Variants in RBFOX1 observed in about 807,000 individuals in gnomAD.
RBFOX1 encodes the protein RNA binding fox-1 homolog 1.
A neutral mutation model predicts 57.7 loss-of-function variants in RBFOX1; 8 were observed. The ratio of observed to expected loss-of-function variants is 0.14; its 90% CI spans 0.08 to 0.25. The LOEUF (loss-of-function observed/expected upper bound fraction) is 0.25, where lower values mean the gene tolerates loss of function less well. RBFOX1 is among the 10% of genes least tolerant of loss of function. The pLI, the probability that RBFOX1 is intolerant of heterozygous loss-of-function variation, is 1.00. For synonymous variants in RBFOX1, 326 were observed against 222.4 expected (o/e 1.47, Z -4.15); for missense variants, 611 against 548.5 (o/e 1.11, Z -1.14).
intron 4 of RBFOX1, among the ~76,000 whole-genome samples, chr16:7,203,001 T>C (rs2089000093): frequency 6.6e-6 from 1 of 152,164 alleles, no homozygotes; most frequent in South Asian, 2.1e-4. Flanking sequence ...TGAGCCAGGA[T>C]GGTCTGGATC....
In RBFOX1 at chr16:7,404,156, G is replaced by A. The variant is rs536356052; in HGVS notation, c.28-113991G>A. ...CTACCTCCACCTCCCAGGTTCAAGC[G>A]ATTCTCCTGCCTCAGCCTCCTGAGT... On this transcript the variant is annotated intron_variant, in intron 4 of 15. Coordinates refer to ENST00000550418, the MANE Select transcript of RBFOX1 (RefSeq NM_018723.4). 3.9e-4 allele frequency among the ~76,000 whole-genome samples: 59 copies of A among 151,666 alleles called. 1 individual carries two copies. Among genetic ancestry groups the A allele is most frequent in the African/African-American group, 1.4e-3 (57 of 41,340 alleles).
At chr16:6,564,562 G>A (rs917073744) in intron 2 of RBFOX1, among the ~76,000 whole-genome samples, 11 of 152,196 alleles carry the variant, frequency 7.2e-5, no homozygotes, top group Admixed American at 2.6e-4. Flanking sequence ...GACAAATACC[G>A]CATGATCTCA....
At chr16:5,744,646 A>G (rs531817911) in intron 3 of RBFOX1, among the ~76,000 whole-genome samples, 2 of 152,240 alleles carry the variant, frequency 1.3e-5, no homozygotes, top group Middle Eastern at 3.4e-3. Flanking sequence ...AATATTTACC[A>G]TCTCACCCGA....
At chr16:7,383,050 T>G (rs1345740222) in intron 4 of RBFOX1, among the ~76,000 whole-genome samples, 1 of 152,156 alleles carries the variant, frequency 6.6e-6, no homozygotes, top group Non-Finnish European at 1.5e-5. Context: ...GAGAATTTTC[T>G]TTGGTATCTA....
intron 4 of RBFOX1, among the ~76,000 whole-genome samples, chr16:7,161,891 T>G (rs1018342277): frequency 6.6e-6 from 1 of 152,172 alleles, no homozygotes; most frequent in Admixed American, 6.5e-5. Flanking sequence ...ATGAGAAAGG[T>G]GATGTTTATT....
intron 3 of RBFOX1, among the ~76,000 whole-genome samples, chr16:6,883,374 A>G (rs1223772405): frequency 1.3e-5 from 2 of 152,226 alleles, no homozygotes; most frequent in African/African-American, 4.8e-5. Flanking sequence ...CAAGTAAATC[A>G]CAGCCTTTAA....
chr16:6,485,732 T>G (rs1286812934), intron 2 of RBFOX1, among the ~76,000 whole-genome samples: 1 of 152,206 alleles, frequency 6.6e-6, no homozygotes, highest in Non-Finnish European at 1.5e-5. Context: ...TACCCCAAAT[T>G]GAGGGTTTAT....
chr16:6,483,053 G>A (rs2095397982), intron 2 of RBFOX1: 1 of 830,178 alleles, frequency 1.2e-6, no homozygotes, highest in Non-Finnish European at 1.5e-6. Flanking sequence ...GCGAGATACC[G>A]CAGCCAGCTC....
At chr16:5,331,165 A>G (rs2064744748) in intron 1 of RBFOX1, among the ~76,000 whole-genome samples, 2 of 152,142 alleles carry the variant, frequency 1.3e-5, no homozygotes, top group Admixed American at 6.5e-5. Flanking sequence ...ACTCCTCCGG[A>G]TAGGGTAAGC....
intron 2 of RBFOX1, among the ~76,000 whole-genome samples, chr16:6,616,986 C>T (rs2098151667): frequency 6.6e-6 from 1 of 152,244 alleles, no homozygotes. Context: ...ACCTTATGTC[C>T]TGGCTTTGAA....
intron 4 of RBFOX1, among the ~76,000 whole-genome samples, chr16:7,178,401 C>T (rs949837603): frequency 6.6e-6 from 1 of 152,222 alleles, no homozygotes; most frequent in Admixed American, 6.5e-5. Flanking sequence ...ATGGCAAACA[C>T]AATCTTCCCA....
chr16:7,237,034 C>T (rs2093802555), intron 4 of RBFOX1, among the ~76,000 whole-genome samples: 1 of 152,212 alleles, frequency 6.6e-6, no homozygotes, highest in Admixed American at 6.5e-5. Flanking sequence ...TATTGCATCA[C>T]CCATCAGCAA....
At chr16:7,512,208 C>A (rs747130372) in intron 4 of RBFOX1, among the ~76,000 whole-genome samples, 31 of 152,200 alleles carry the variant, frequency 2.0e-4, no homozygotes, top group Admixed American at 7.2e-4. Context: ...CTGTCACTGT[C>A]CCCTACATGA....
chr16:7,708,277 T>G (rs908234153), intron 14 of RBFOX1, among the ~76,000 whole-genome samples: 5 of 152,176 alleles, frequency 3.3e-5, no homozygotes, highest in Non-Finnish European at 7.3e-5. Flanking sequence ...AGATATTTAG[T>G]AGGCATTCAG....
intron 2 of RBFOX1, among the ~76,000 whole-genome samples, chr16:6,622,720 A>G (rs567695952): frequency 1.2e-4 from 19 of 152,332 alleles, no homozygotes; most frequent in Non-Finnish European, 2.4e-4. Context: ...GAGATTTTCT[A>G]TTTTTAAAAG....
At chr16:6,808,209 G>A (rs1267956177) in intron 3 of RBFOX1, among the ~76,000 whole-genome samples, 1 of 145,976 alleles carries the variant, frequency 6.9e-6, no homozygotes, top group African/African-American at 2.6e-5. Flanking sequence ...TAGTTCTATT[G>A]AAGTATGCAC....
chr16:6,014,655 G>A (rs910360350), upstream of RBFOX1, among the ~76,000 whole-genome samples: 7 of 152,130 alleles, frequency 4.6e-5, no homozygotes, highest in East Asian at 1.9e-4. Context: ...AGTTGACTCC[G>A]TTTGTGAGAA....
At chr16:5,279,750 C>T (rs1192986229) in intron 1 of RBFOX1, among the ~76,000 whole-genome samples, 7 of 152,206 alleles carry the variant, frequency 4.6e-5, no homozygotes, top group African/African-American at 1.7e-4. Context: ...GATCCACCCA[C>T]CTTGGCCTCC....
chr16:5,300,238 A>T (rs571456470), intron 1 of RBFOX1, among the ~76,000 whole-genome samples: 1 of 152,166 alleles, frequency 6.6e-6, no homozygotes, highest in Non-Finnish European at 1.5e-5. Flanking sequence ...ATTAACTTTC[A>T]TGAAGGGTAT....
Sources: allele counts gnomAD v4.1 joint callset (sites outside exome capture counted in the v4.1 genomes callset), GRCh38; gene constraint gnomAD v4.1.1; transcripts MANE v1.5; gene names NCBI Gene and HGNC (gene_info 2026-07-23, HGNC 2026-07-21).